SMOC2: variants seen among roughly 807,000 people sequenced by gnomAD.
SMOC2 encodes SPARC related modular calcium binding 2, also known as SPARC-related modular calcium-binding protein 2.
Under a neutral mutation model 61.4 loss-of-function variants are expected in SMOC2, and 39 were observed. That is an observed-to-expected ratio of 0.64 (90% CI 0.49 to 0.83). The LOEUF (loss-of-function observed/expected upper bound fraction) is 0.83, where lower values mean the gene tolerates loss of function less well. Ranked by LOEUF, SMOC2 falls within the 40% of genes least tolerant of loss-of-function variation. The pLI, the probability that SMOC2 is intolerant of heterozygous loss-of-function variation, is 0.00. For missense variants in SMOC2, 556 were observed against 592.9 expected (o/e 0.94, Z 0.65); for synonymous variants, 247 against 239.9 (o/e 1.03, Z -0.27).
intron 1 of SMOC2, among the ~76,000 whole-genome samples, chr6:168,489,280 G>C (rs569524789): frequency 1.4e-4 from 20 of 146,382 alleles, no homozygotes; most frequent in African/African-American, 4.6e-4. Context: ...GGTCCCCTTG[G>C]ATCACACTGT....
At chr6:168,566,530 T>G (rs1352003377) in intron 7 of SMOC2, among the ~76,000 whole-genome samples, 2 of 146,760 alleles carry the variant, frequency 1.4e-5, no homozygotes, top group Non-Finnish European at 3.0e-5. Context: ...TTGCCCAGGC[T>G]GGAGTGCAAT....
At chr6:168,518,799 TTG>T (rs375350594) in intron 2 of SMOC2, among the ~76,000 whole-genome samples, 142 of 147,178 alleles carry the variant, frequency 9.6e-4, no homozygotes, top group Non-Finnish European at 1.2e-3. Flanking sequence ...ATGTATGTGC[TTG>T]TGTGTGAATG....
At chr6:168,563,607 T>C (rs756563074) in intron 7 of SMOC2, among the ~76,000 whole-genome samples, 2 of 152,018 alleles carry the variant, frequency 1.3e-5, no homozygotes, top group Non-Finnish European at 2.9e-5. Flanking sequence ...TGGAAGGTGA[T>C]GAGGTTGTGA....
chr6:168,507,443 G>A (rs889712870), intron 1 of SMOC2, among the ~76,000 whole-genome samples: 7 of 152,178 alleles, frequency 4.6e-5, no homozygotes, highest in African/African-American at 1.2e-4. Context: ...TGTGTGCTGC[G>A]AGAACGAGGC....
At chr6:168,587,857 C>G (rs1157744578) in intron 7 of SMOC2, among the ~76,000 whole-genome samples, 1 of 152,134 alleles carries the variant, frequency 6.6e-6, no homozygotes, top group East Asian at 1.9e-4. Flanking sequence ...ACTTTGGGGT[C>G]CTGAGATTTC....
intron 5 of SMOC2, 46 bp from the exon 6 acceptor site, chr6:168,547,073 C>T (rs1384930055): frequency 6.2e-7 from 1 of 1,613,198 alleles, no homozygotes; most frequent in South Asian, 1.1e-5. Flanking sequence ...TTAACTTACT[C>T]TCATAATTGT....
intron 1 of SMOC2, among the ~76,000 whole-genome samples, chr6:168,451,421 C>T (rs2763275): frequency 0.17 from 26,234 of 152,184 alleles, 2,847 homozygotes; most frequent in Non-Finnish European, 0.23. Context: ...AGGATGAAAG[C>T]ATCTGAAACA....
intron 4 of SMOC2, among the ~76,000 whole-genome samples, chr6:168,537,987 CTGGCAGAG>C (rs1172507306): frequency 6.6e-6 from 1 of 151,332 alleles, no homozygotes; most frequent in Non-Finnish European, 1.5e-5. Flanking sequence ...CTGCTGGAAT[CTGGCAGAG>C]TGGGGTGAGC....
At chr6:168,526,260 A>C in intron 2 of SMOC2, 86 bp from the exon 3 acceptor site, 1 of 1,244,852 alleles carries the variant, frequency 8.0e-7, no homozygotes, top group Middle Eastern at 2.0e-4. Context: ...TGCCTAACTC[A>C]TGCCTTCACA....
chr6:168,484,802 T>A (rs1452436772), intron 1 of SMOC2, among the ~76,000 whole-genome samples: 1 of 152,234 alleles, frequency 6.6e-6, no homozygotes, highest in African/African-American at 2.4e-5. Context: ...GGCAGCAATG[T>A]GGATGAACCT....
At chr6:168,557,637 A>C (rs921127268) in intron 7 of SMOC2, among the ~76,000 whole-genome samples, 1 of 152,144 alleles carries the variant, frequency 6.6e-6, no homozygotes, top group African/African-American at 2.4e-5. Flanking sequence ...ATGAGGTCTG[A>C]TGTTGACATC....
intron 8 of SMOC2, among the ~76,000 whole-genome samples, chr6:168,602,755 AGGT>A (rs1785582421): frequency 6.6e-6 from 1 of 152,172 alleles, no homozygotes. Flanking sequence ...AAGATGGTAG[AGGT>A]GGTGGGGCAA....
intron 7 of SMOC2, among the ~76,000 whole-genome samples, chr6:168,591,944 C>CT (rs1282864173): frequency 6.6e-6 from 1 of 152,030 alleles, no homozygotes; most frequent in Non-Finnish European, 1.5e-5. Context: ...TTATTTTTCT[C>CT]TATCAATGGT....
chr6:168,614,124 C>T (rs71552350), intron 9 of SMOC2, among the ~76,000 whole-genome samples: 4 of 87,536 alleles, frequency 4.6e-5, no homozygotes, highest in East Asian at 4.2e-4. Flanking sequence ...GGAGCCTCTT[C>T]ACACCTACAG....
intron 4 of SMOC2, among the ~76,000 whole-genome samples, chr6:168,537,981 T>C (rs1783772327): frequency 1.3e-5 from 2 of 152,016 alleles, no homozygotes; most frequent in African/African-American, 4.8e-5. Flanking sequence ...TGAGCTCTGC[T>C]GGAATCTGGC....
intron 9 of SMOC2, among the ~76,000 whole-genome samples, chr6:168,611,816 C>T (rs982237494): frequency 3.3e-5 from 5 of 152,164 alleles, no homozygotes. Context: ...CTGCATCTCT[C>T]TTAGCTCCTG....
At chr6:168,519,125 ATGTG>A (rs1189508711) in intron 2 of SMOC2, among the ~76,000 whole-genome samples, 3 of 125,666 alleles carry the variant, frequency 2.4e-5, no homozygotes, top group African/African-American at 9.3e-5. Flanking sequence ...GTATGCATGC[ATGTG>A]TATGTGTGCA....
intron 8 of SMOC2, among the ~76,000 whole-genome samples, chr6:168,607,110 A>T (rs1197262504): frequency 6.6e-6 from 1 of 151,972 alleles, no homozygotes; most frequent in Non-Finnish European, 1.5e-5. Flanking sequence ...CGTCTCCTTC[A>T]TGCTGGTGAG....
rs1295095340 is a variant in SMOC2 at position 168,667,074 on chromosome 6, C to T, written c.*636C>T. ...GGTGTGATACTTTGGCTCAAAGGATCTTTGCTTTTCCATTTTAAGCTTCTG... is the reference window on the plus strand; with the variant it reads ...GGTGTGATACTTTGGCTCAAAGGATTTTTGCTTTTCCATTTTAAGCTTCTG... On this transcript the variant is annotated 3_prime_UTR_variant, in exon 13 of 13. Transcript: ENST00000356284. 1 of 152,314 alleles carries T rather than the reference C, an allele frequency of 6.6e-6. No individual in the cohort carries two copies. 9.4% of individuals were successfully genotyped at this position (152,314 alleles called of 1,614,324 possible). A position where few individuals can be genotyped will look rare whatever the true frequency, so the allele number is the denominator to read the frequency against.
Sources: allele counts gnomAD v4.1 joint callset (sites outside exome capture counted in the v4.1 genomes callset), GRCh38; gene constraint gnomAD v4.1.1; transcripts MANE v1.5; gene names NCBI Gene and HGNC (gene_info 2026-07-23, HGNC 2026-07-21).